The following PRKG1 variants were observed in gnomAD, a reference collection of about 807,000 sequenced individuals.
The protein encoded by PRKG1 is protein kinase cGMP-dependent 1.
A neutral mutation model predicts 88.1 loss-of-function variants in PRKG1; 35 were observed. That is an observed-to-expected ratio of 0.40 (90% confidence interval 0.30 to 0.53). The LOEUF (loss-of-function observed/expected upper bound fraction) is 0.53. Ranked by LOEUF, PRKG1 falls within the 20% of genes least tolerant of loss-of-function variation. The probability of loss-of-function intolerance (pLI) is 0.59; values close to 1 mark genes in which losing one functional copy is unlikely to be tolerated. For synonymous variants in PRKG1, 303 were observed against 292.5 expected (o/e 1.04, Z -0.37); for missense variants, 540 against 839.8 (o/e 0.64, Z 4.41).
chr10:51,960,122 C>CTTA (rs1843410748), intron 5 of PRKG1, among the ~76,000 whole-genome samples: 2 of 144,648 alleles, frequency 1.4e-5, no homozygotes, highest in Admixed American at 1.4e-4. Context: ...CTTTGGTTTC[C>CTTA]TTTTTTTTTT....
chr10:51,662,081 G>A (rs1374024115), intron 3 of PRKG1, among the ~76,000 whole-genome samples: 5 of 152,076 alleles, frequency 3.3e-5, no homozygotes, highest in Non-Finnish European at 4.4e-5. Flanking sequence ...CTGTCATAGG[G>A]TGGGGGAATA....
At chr10:51,420,458 T>C (rs1838378082) in intron 2 of PRKG1, among the ~76,000 whole-genome samples, 1 of 152,108 alleles carries the variant, frequency 6.6e-6, no homozygotes, top group Non-Finnish European at 1.5e-5. Context: ...GGCTTAATCA[T>C]GGTTGCACCA....
At chr10:52,081,797 G>A in intron 7 of PRKG1, 2 of 394,368 alleles carry the variant, frequency 5.1e-6, no homozygotes, top group Non-Finnish European at 1.0e-5. Context: ...CATTGAGAAA[G>A]TGATATTTCA....
chr10:51,994,726 C>T (rs1270353981), intron 5 of PRKG1, among the ~76,000 whole-genome samples: 1 of 152,062 alleles, frequency 6.6e-6, no homozygotes, highest in Non-Finnish European at 1.5e-5. Context: ...GTGCTGTTGT[C>T]TCTTCATATA....
intron 2 of PRKG1, among the ~76,000 whole-genome samples, chr10:51,191,559 A>G (rs1369265179): frequency 2.0e-5 from 3 of 151,850 alleles, no homozygotes; most frequent in African/African-American, 4.8e-5. Context: ...TATGGTGATG[A>G]TTATTATTAT....
intron 2 of PRKG1, among the ~76,000 whole-genome samples, chr10:51,344,577 C>T (rs1308758578): frequency 1.3e-5 from 2 of 152,132 alleles, no homozygotes; most frequent in Non-Finnish European, 2.9e-5. Flanking sequence ...GGGTCAAAAG[C>T]ATGTACATGG....
intron 5 of PRKG1, among the ~76,000 whole-genome samples, chr10:52,000,033 A>G (rs1018702841): frequency 6.6e-6 from 1 of 151,998 alleles, no homozygotes; most frequent in Non-Finnish European, 1.5e-5. Flanking sequence ...TGATTTTTTA[A>G]TGCATTTTCA....
chr10:51,113,534 A>G (rs1014690323), intron 1 of PRKG1, among the ~76,000 whole-genome samples: 1 of 152,176 alleles, frequency 6.6e-6, no homozygotes, highest in East Asian at 1.9e-4. Flanking sequence ...AAAACTGTTC[A>G]GTGTTTTTAA....
At chr10:51,816,536 C>CGTGTGTGTGTGTGTGT (rs769022267) in intron 4 of PRKG1, among the ~76,000 whole-genome samples, 94 of 98,462 alleles carry the variant, frequency 9.5e-4, no homozygotes, top group African/African-American at 2.8e-3. Context: ...ATAATTTTGG[C>CGTGTGTGTGTGTGTGT]ATGTGTGTGT....
At chr10:51,842,955 G>A (rs538489276) in intron 4 of PRKG1, among the ~76,000 whole-genome samples, 480 of 151,938 alleles carry the variant, frequency 3.2e-3, no homozygotes, top group Middle Eastern at 0.014. Flanking sequence ...AATAGAATAT[G>A]AACAGAACTT....
At chr10:51,086,699 G>T (rs1844258372) in intron 1 of PRKG1, among the ~76,000 whole-genome samples, 1 of 152,122 alleles carries the variant, frequency 6.6e-6, no homozygotes, top group Non-Finnish European at 1.5e-5. Flanking sequence ...GTATCAAGTT[G>T]AACAAACAGA....
At chr10:52,068,353 G>A (rs992006514) in intron 7 of PRKG1, among the ~76,000 whole-genome samples, 1 of 152,108 alleles carries the variant, frequency 6.6e-6, no homozygotes, top group African/African-American at 2.4e-5. Context: ...GTACCCAAAA[G>A]GGATGGGATT....
chr10:51,743,728 TATAAACTAA>T (rs1279166963), intron 3 of PRKG1, among the ~76,000 whole-genome samples: 1,902 of 40,906 alleles, frequency 0.046, 62 homozygotes, highest in Middle Eastern at 0.065. Flanking sequence ...ATATATATAA[TATAAACTAA>T]ATATATATAT....
chr10:51,304,704 A>G (rs1477505042), intron 2 of PRKG1, among the ~76,000 whole-genome samples: 1 of 138,626 alleles, frequency 7.2e-6, no homozygotes, highest in South Asian at 2.3e-4. Context: ...TCATTGTTCA[A>G]TTCCCACCTA....
At chr10:51,786,617 A>T (rs539625168) in intron 3 of PRKG1, among the ~76,000 whole-genome samples, 1 of 152,134 alleles carries the variant, frequency 6.6e-6, no homozygotes, top group East Asian at 1.9e-4. Flanking sequence ...CACTATATTG[A>T]TATTGCTTTC....
At chr10:51,455,380 C>G (rs889606487) in intron 2 of PRKG1, among the ~76,000 whole-genome samples, 27 of 152,358 alleles carry the variant, frequency 1.8e-4, no homozygotes, top group African/African-American at 5.5e-4. Flanking sequence ...TAACATTTGG[C>G]TCCTCATTAC....
upstream of PRKG1, among the ~76,000 whole-genome samples, chr10:51,069,761 A>G (rs1843800037): frequency 6.6e-6 from 1 of 152,138 alleles, no homozygotes; most frequent in Non-Finnish European, 1.5e-5. Flanking sequence ...TTTATAAACT[A>G]GAGAAGCTCA....
intron 1 of PRKG1, among the ~76,000 whole-genome samples, chr10:51,005,827 A>G (rs1481553828): frequency 1.3e-5 from 2 of 151,918 alleles, no homozygotes; most frequent in East Asian, 3.9e-4. Flanking sequence ...AGTTGTGCAT[A>G]TTTTTCCAGG....
chr10:51,632,811 G>A (rs1001988970), intron 3 of PRKG1, among the ~76,000 whole-genome samples: 9 of 152,146 alleles, frequency 5.9e-5, no homozygotes, highest in African/African-American at 2.2e-4. Context: ...TCTCCTTGCT[G>A]GTGAAATTAA....
Sources: gnomAD v4.1 joint callset for allele counts (sites outside exome capture counted in the v4.1 genomes callset) on GRCh38, gnomAD v4.1.1 for gene constraint, MANE v1.5 for transcripts, NCBI Gene and HGNC (gene_info 2026-07-23, HGNC 2026-07-21) for gene names.